WNT8B: variants seen among roughly 807,000 people sequenced by gnomAD.
The protein encoded by WNT8B is Wnt family member 8B.
A neutral mutation model predicts 36.6 loss-of-function variants in WNT8B; 24 were observed. The ratio of observed to expected loss-of-function variants is 0.66; its 90% CI spans 0.48 to 0.92. WNT8B has a LOEUF of 0.92. Ranked by LOEUF, WNT8B falls within the 40% of genes least tolerant of loss-of-function variation. WNT8B has a pLI of 0.00. For synonymous variants in WNT8B, 199 were observed against 189.8 expected (o/e 1.05, Z -0.40); for missense variants, 402 against 470.8 (o/e 0.85, Z 1.35).
At chr10:100,477,839 C>T (rs1589725160) in intron 1 of WNT8B, among the ~76,000 whole-genome samples, 1 of 150,192 alleles carries the variant, frequency 6.7e-6, no homozygotes, top group East Asian at 2.0e-4. Flanking sequence ...TGCAGTGGTG[C>T]AATCTCAGCT....
intron 1 of WNT8B, among the ~76,000 whole-genome samples, chr10:100,463,793 C>T (rs998617381): frequency 5.3e-5 from 8 of 151,998 alleles, no homozygotes; most frequent in Non-Finnish European, 8.8e-5. Context: ...GAAATCTAAA[C>T]GTCTCGAGAA....
chr10:100,467,651 C>T (rs1037948406), intron 1 of WNT8B, among the ~76,000 whole-genome samples: 1 of 152,310 alleles, frequency 6.6e-6, no homozygotes, highest in Non-Finnish European at 1.5e-5. Context: ...AGATTGTCCA[C>T]GTTATCCTGT....
intron 1 of WNT8B, among the ~76,000 whole-genome samples, chr10:100,467,086 C>T (rs1379843176): frequency 6.6e-6 from 1 of 152,078 alleles, no homozygotes; most frequent in East Asian, 1.9e-4. Context: ...TGAAATACAC[C>T]TGCACTCCCA....
At chr10:100,481,226 G>A (rs1372847003) in intron 4 of WNT8B, 103 bp downstream of exon 4, 63 of 1,459,162 alleles carry the variant, frequency 4.3e-5, no homozygotes, top group Non-Finnish European at 4.6e-6. Context: ...TAAATATGAA[G>A]AAAATCATGC....
At chr10:100,481,144 G>A (rs1851104558) in intron 4 of WNT8B, 21 bp downstream of exon 4, 4 of 1,612,970 alleles carry the variant, frequency 2.5e-6, no homozygotes, top group Non-Finnish European at 3.4e-6. Flanking sequence ...ATGTAGGGAT[G>A]GGTACCATAG....
Position 100,482,303 on chromosome 10 carries a change from G to C in WNT8B, c.543G>C (p.Lys181Asn), listed in dbSNP as rs1851124146. ...AGGGCACCATGAAACGCACGTGCAA[G>C]TGCCACGGCGTGTCTGGCAGCTGCA... Reference protein sequence around the residue: ...AVKGTMKRTCKCHGVSGSCTT... With the variant: ...AVKGTMKRTCNCHGVSGSCTT... The change falls in exon 6 of 6, where the codon AAG becomes AAC. Residue 181 changes from lysine to asparagine, a missense_variant. By Grantham distance (94) the Lys-to-Asn change is moderately conservative (BLOSUM62 0). Coordinates refer to ENST00000343737, the MANE Select transcript of WNT8B (RefSeq NM_003393.4). The surrounding 1 kb of genome is among the most constrained non-coding windows in gnomAD (Gnocchi z 6.6). The C allele has an allele frequency of 1.3e-6, 2 of 1,595,614 alleles. No individual in the cohort carries two copies. Among genetic ancestry groups the C allele is most frequent in the East Asian group, 2.2e-5 (1 of 44,724 alleles).
rs1320889452 is a variant in WNT8B at position 100,482,774 on chromosome 10, G to C, written c.1014G>C (p.Arg338=). Residue 338 remains arginine, a synonymous_variant, in exon 6 of 6, where the codon CGG becomes CGC. Coordinates refer to ENST00000343737, the MANE Select transcript of WNT8B (RefSeq NM_003393.4). The surrounding 1 kb of genome is among the most constrained non-coding windows in gnomAD (Gnocchi z 6.6). Reference sequence around the variant, plus strand: ...AGTACTTCTGTAGCCGCGCAGAGCGGCCGCGGGGGGGCGCTGCGCACAAAC... The same window carrying C: ...AGTACTTCTGTAGCCGCGCAGAGCGCCCGCGGGGGGGCGCTGCGCACAAAC... ...VTKYFCSRAE[R]PRGGAAHKPG... 2 of 1,584,832 alleles carry C rather than the reference G, an allele frequency of 1.3e-6. No individual in the cohort carries two copies.
chr10:100,482,905 G>C lies in WNT8B; in HGVS notation c.*89G>C. 7.3e-7 allele frequency: 1 copy of C among 1,360,892 alleles called. No individual in the cohort carries two copies. Among genetic ancestry groups the C allele is most frequent in the Admixed American group, 3.0e-5 (1 of 33,720 alleles). 84.3% of individuals were successfully genotyped at this position (1,360,892 alleles called of 1,614,324 possible). ...GTGGAACCTAGGGAATGGGGAACCC[G>C]CTCTCCCAGACCTAGGGATCCTGAG... On this transcript the variant is annotated 3_prime_UTR_variant, in exon 6 of 6. Transcript: ENST00000343737. The surrounding 1 kb of genome is among the most constrained non-coding windows in gnomAD (Gnocchi z 6.6).
Position 100,481,906 on chromosome 10 carries a change from T to G in WNT8B, c.368-6T>G. On this transcript the variant is annotated splice_region_variant and splice_polypyrimidine_tract_variant and intron_variant, in intron 4 of 5. Coordinates refer to ENST00000343737, the MANE Select transcript of WNT8B (RefSeq NM_003393.4). ...AATGACCTGTCCTCCCTCTGCACTT[T>G]TCCAGGGGGACAAGGCTGGCTGTGG... The G allele has an allele frequency of 6.2e-7, 1 of 1,614,042 alleles. No individual in the cohort carries two copies. Among genetic ancestry groups the G allele is most frequent in the Non-Finnish European group, 8.5e-7 (1 of 1,179,988 alleles).
At chr10:100,474,975 T>C (rs1851021087) in intron 1 of WNT8B, among the ~76,000 whole-genome samples, 1 of 148,874 alleles carries the variant, frequency 6.7e-6, no homozygotes, top group African/African-American at 2.5e-5. Context: ...GCGTGGTGGC[T>C]CACGCCTGTA....
At chr10:100,468,824 G>A (rs1454270044) in intron 1 of WNT8B, among the ~76,000 whole-genome samples, 2 of 152,182 alleles carry the variant, frequency 1.3e-5, no homozygotes, top group African/African-American at 2.4e-5. Context: ...GTTGTCCTGT[G>A]GGCTATTACA....
chr10:100,476,293 G>T (rs1001790537), intron 1 of WNT8B, among the ~76,000 whole-genome samples: 6 of 151,848 alleles, frequency 4.0e-5, no homozygotes, highest in Non-Finnish European at 5.9e-5. Flanking sequence ...GACAGAGTGA[G>T]ACTCCGTCTA....
intron 1 of WNT8B, among the ~76,000 whole-genome samples, chr10:100,467,568 A>C (rs1850920385): frequency 6.6e-6 from 1 of 152,120 alleles, no homozygotes; most frequent in East Asian, 1.9e-4. Context: ...CTTTTTCTGT[A>C]GTCAGGTTCT....
intron 1 of WNT8B, among the ~76,000 whole-genome samples, chr10:100,478,413 A>G (rs1222002318): frequency 1.3e-5 from 2 of 152,182 alleles, no homozygotes; most frequent in Admixed American, 6.5e-5. Context: ...GAGCATAAGG[A>G]ACATAGTCAG....
Position 100,482,489 on chromosome 10 carries a change from C to G in WNT8B, c.729C>G (p.Thr243=), listed in dbSNP as rs781368674. The change falls in exon 6 of 6, where the codon ACC becomes ACG. Residue 243 remains threonine, a synonymous_variant. Transcript: ENST00000343737. The surrounding 1 kb of genome is among the most constrained non-coding windows in gnomAD (Gnocchi z 6.6). ...AIADTFRSIS[T]RELVHLEDSP... is the part of the protein sequence containing the mutation. Reference sequence around the variant, plus strand: ...CCGACACCTTTCGCTCCATCTCTACCCGGGAGCTGGTGCACCTGGAGGACT... The same window carrying G: ...CCGACACCTTTCGCTCCATCTCTACGCGGGAGCTGGTGCACCTGGAGGACT... 3.7e-6 allele frequency: 6 copies of G among 1,602,490 alleles called. No homozygotes were observed. Among genetic ancestry groups the G allele is most frequent in the African/African-American group, 1.3e-5 (1 of 74,934 alleles).
chr10:100,479,824 G>C (rs758662054), intron 2 of WNT8B, 50 bp from the exon 3 acceptor site: 1 of 1,604,236 alleles, frequency 6.2e-7, no homozygotes, highest in Non-Finnish European at 8.5e-7. Flanking sequence ...TCAGTTTAGG[G>C]TAAATGCCTC....
Position 100,472,127 on chromosome 10 carries a change from T to C in WNT8B, c.69-6925T>C, listed in dbSNP as rs1268792425. Among the ~76,000 whole-genome samples, 5 of 151,362 alleles carry C rather than the reference T, an allele frequency of 3.3e-5. No homozygotes were observed. The East Asian group carries it at 9.8e-4, about 30-fold the overall frequency. ...GAAGATTTCTTTTTCTTTTTTTTTT[T>C]TGAGATGGAGTCTTGCTCTGTCGCC... On this transcript the variant is annotated intron_variant, in intron 1 of 5. Coordinates refer to ENST00000343737, the MANE Select transcript of WNT8B (RefSeq NM_003393.4).
At position 100,482,070 on chromosome 10, in the gene WNT8B, C is replaced by T. The variant is rs1390271182; in HGVS notation, c.510+16C>T. The T allele has an allele frequency of 1.2e-6, 2 of 1,613,888 alleles. No individual in the cohort carries two copies. Among genetic ancestry groups the T allele is most frequent in the East Asian group, 2.2e-5 (1 of 44,882 alleles). ...TGGCCGCAAGGTGAGTCCCGCAGCC[C>T]TTGGAAATAGGCAGCTGCTGGCTAT... On this transcript the variant is annotated intron_variant, in intron 5 of 5. Coordinates refer to ENST00000343737, the MANE Select transcript of WNT8B (RefSeq NM_003393.4). The surrounding 1 kb of genome is among the most constrained non-coding windows in gnomAD (Gnocchi z 6.6).
In WNT8B at chr10:100,463,064, G is replaced by T. The variant is rs1850873853; in HGVS notation, c.-105G>T. ...ATCGCTTACACACCAAGGAAGTTGG[G>T]CTTTGAGAATTCCATCCCACTGGCA... On this transcript the variant is annotated 5_prime_UTR_variant, in exon 1 of 6. Coordinates refer to ENST00000343737, the MANE Select transcript of WNT8B (RefSeq NM_003393.4). 7 of 1,059,248 alleles carry T rather than the reference G, an allele frequency of 6.6e-6. No homozygotes were observed. The highest frequency in any genetic ancestry group is 9.9e-6 in the Non-Finnish European group (7 of 704,302). The allele number at this position is 1,059,248 out of a possible 1,614,324, so 65.6% of individuals were successfully genotyped here.
Sources: gnomAD v4.1 joint callset for allele counts (sites outside exome capture counted in the v4.1 genomes callset) on GRCh38, gnomAD v4.1.1 for gene constraint, Gnocchi (gnomAD v3.1) non-coding constraint, MANE v1.5 for transcripts, NCBI Gene and HGNC (gene_info 2026-07-23, HGNC 2026-07-21) for gene names.